The following PGAP4 variants were observed in gnomAD, a reference collection of about 807,000 sequenced individuals.
PGAP4 encodes post-GPI attachment to proteins GalNAc transferase 4.
PGAP4 carries 12 observed loss-of-function variants against 28.2 expected under a neutral mutation model. The observed-to-expected ratio is 0.42, with a 90% confidence interval of 0.27 to 0.69. The LOEUF is 0.69. PGAP4 is among the 30% of genes least tolerant of loss of function. The pLI is 0.22. For missense variants in PGAP4, 425 were observed against 513.5 expected (o/e 0.83, Z 1.67); for synonymous variants, 205 against 211.8 (o/e 0.97, Z 0.28).
intron 2 of PGAP4, among the ~76,000 whole-genome samples, chr9:101,501,368 G>A (rs1251714951): frequency 1.3e-5 from 2 of 152,008 alleles, no homozygotes; most frequent in East Asian, 1.9e-4. Context: ...ATGGTACCAC[G>A]GAAAGTGAAT....
chr9:101,511,909 A>G (rs938232610), intron 2 of PGAP4, among the ~76,000 whole-genome samples: 11 of 152,134 alleles, frequency 7.2e-5, no homozygotes, highest in African/African-American at 2.7e-4. Context: ...CATGCTCTCA[A>G]AAGTCTTAAA....
exon 2 of PGAP4, chr9:101,531,429 G>C (rs955508958): frequency 2.0e-5 from 3 of 152,134 alleles, no homozygotes; most frequent in African/African-American, 7.2e-5. Context: ...TTGAAGTTAG[G>C]GGTGACCTAA....
At position 101,498,167 on chromosome 9, in the gene PGAP4, T is replaced by A. The variant is rs553566383; in HGVS notation, c.-164-8967A>T. Among the ~76,000 whole-genome samples the A allele has an allele frequency of 9.5e-4, 144 of 151,996 alleles. 1 individual carries two copies. Among genetic ancestry groups the A allele is most frequent in the African/African-American group, 3.2e-3 (135 of 41,546 alleles). ...GATGAGTTTAGATTTAAACTTTTAA[T>A]GTTTGCATTGTGGTGAGGACTAGCT... On this transcript the variant is annotated intron_variant, in intron 2 of 3. Coordinates refer to the PGAP4 transcript ENST00000374851.
At chr9:101,495,559 G>A (rs1024881926) in intron 2 of PGAP4, among the ~76,000 whole-genome samples, 1 of 145,606 alleles carries the variant, frequency 6.9e-6, no homozygotes, top group Non-Finnish European at 1.5e-5. Context: ...TTTGAACCTA[G>A]GGAAACCTAC....
intron 2 of PGAP4, among the ~76,000 whole-genome samples, chr9:101,496,344 T>C (rs183769009): frequency 2.0e-5 from 3 of 151,640 alleles, no homozygotes; most frequent in African/African-American, 7.2e-5. Flanking sequence ...CTGCAAATCA[T>C]GTGCAGCGAA....
chr9:101,513,806 T>A (rs920625390), intron 2 of PGAP4, among the ~76,000 whole-genome samples: 2 of 152,062 alleles, frequency 1.3e-5, no homozygotes, highest in Admixed American at 1.3e-4. Context: ...GGCAATATTG[T>A]GGCTCATTCC....
Position 101,476,512 on chromosome 9 carries a change from C to G in PGAP4, c.581G>C (p.Cys194Ser), listed in dbSNP as rs1826317132. 1 of 1,614,036 alleles carries G rather than the reference C, an allele frequency of 6.2e-7. No individual in the cohort carries two copies. The highest frequency in any genetic ancestry group is 1.3e-5 in the African/African-American group (1 of 74,880). ...FEKEKQDYVY[C>S]LESSLQTYNP... ...GTAGGTCTGCAGGGATGACTCCAGG[C>G]AATAGACATAGTCCTGCTTCTCTTT... The change falls in exon 2 of 2, where the codon TGC (cysteine) becomes TCC (serine). Residue 194 changes from cysteine to serine, a missense_variant. Transcript: ENST00000374848. The surrounding 1 kb of genome is among the most constrained non-coding windows in gnomAD (Gnocchi z 7.0).
chr9:101,505,247 C>T (rs2118599025), intron 2 of PGAP4, among the ~76,000 whole-genome samples: 1 of 151,790 alleles, frequency 6.6e-6, no homozygotes, highest in Admixed American at 6.6e-5. Flanking sequence ...TTCAGAATTA[C>T]AATAGCCATA....
At chr9:101,531,233 CA>C (rs1564103983) in intron 2 of PGAP4, 28 of 151,394 alleles carry the variant, frequency 1.8e-4, no homozygotes, top group African/African-American at 7.0e-4. Context: ...CACACACACA[CA>C]CACACAGAGT....
rs569580695 is a variant in PGAP4, at chr9:101,513,626, G to A, written c.-165+17722C>T. 9.2e-5 allele frequency among the ~76,000 whole-genome samples: 14 copies of A among 152,266 alleles called. No individual in the cohort carries two copies. The South Asian group carries it at 2.9e-3, about 32-fold the overall frequency. On this transcript the variant is annotated intron_variant, in intron 2 of 3. Transcript: ENST00000374851. ...AGTTTTAGTTGCCTAATTTGAGTTG[G>A]CAGCTGTATTAGGATTTTTAGAGGA...
At chr9:101,482,648 C>T (rs1299737545) in intron 1 of PGAP4, among the ~76,000 whole-genome samples, 1 of 152,144 alleles carries the variant, frequency 6.6e-6, no homozygotes, top group Non-Finnish European at 1.5e-5. Flanking sequence ...CAATCCAGTT[C>T]CAACTATCTT....
chr9:101,525,409 C>A (rs1243171526), intron 2 of PGAP4, among the ~76,000 whole-genome samples: 2 of 150,804 alleles, frequency 1.3e-5, no homozygotes, highest in African/African-American at 4.9e-5. Flanking sequence ...TTTTTTTTTC[C>A]TATGAAAATA....
intron 2 of PGAP4, among the ~76,000 whole-genome samples, chr9:101,521,388 T>C (rs1826987482): frequency 6.6e-6 from 1 of 152,176 alleles, no homozygotes; most frequent in Non-Finnish European, 1.5e-5. Flanking sequence ...TCAATCTTGC[T>C]GCTTGTTATT....
At chr9:101,494,185 C>T (rs1021125048) in intron 2 of PGAP4, among the ~76,000 whole-genome samples, 3 of 151,608 alleles carry the variant, frequency 2.0e-5, no homozygotes, top group African/African-American at 7.3e-5. Context: ...ATTTTATGTA[C>T]ATTTAAAAAT....
At chr9:101,517,048 A>G (rs1283961691) in intron 2 of PGAP4, among the ~76,000 whole-genome samples, 1 of 152,202 alleles carries the variant, frequency 6.6e-6, no homozygotes, top group Non-Finnish European at 1.5e-5. Context: ...TATAATAACT[A>G]TATACTGAAA....
At position 101,495,455 on chromosome 9, in the gene PGAP4, A is replaced by ATGCT. The variant is rs368060119; in HGVS notation, c.-164-6256_-164-6255insAGCA. On this transcript the variant is annotated intron_variant, in intron 2 of 3. Transcript: ENST00000374851. ...ATTTTATATATAATATATATTATATATACTTATATTTTATATATAATATAT... is the reference window on the plus strand; with the variant it reads ...ATTTTATATATAATATATATTATATATGCTTACTTATATTTTATATATAATATAT... Among the ~76,000 whole-genome samples the ATGCT allele has an allele frequency of 1.1e-3, 131 of 120,450 alleles. 29 individuals are homozygous for ATGCT. The highest frequency in any genetic ancestry group is 1.6e-3 in the Admixed American group (15 of 9,600). 79.0% of individuals were successfully genotyped at this position (120,450 alleles called of 152,430 possible).
At position 101,475,178 on chromosome 9, in the gene PGAP4, C is replaced by G. The variant is rs887221228; in HGVS notation, c.*703G>C. Reference sequence around the variant, plus strand: ...AAATGTTCAATGTTAAATCACTACTCAACATAAGCAATCTGACTTTGATGG... The same window carrying G: ...AAATGTTCAATGTTAAATCACTACTGAACATAAGCAATCTGACTTTGATGG... On this transcript the variant is annotated 3_prime_UTR_variant, in exon 2 of 2. Transcript: ENST00000374848. The G allele has an allele frequency of 6.5e-6, 1 of 152,686 alleles. No homozygotes were observed. Among genetic ancestry groups the G allele is most frequent in the African/African-American group, 2.4e-5 (1 of 41,400 alleles). 9.5% of individuals were successfully genotyped at this position (152,686 alleles called of 1,614,324 possible). A position where few individuals can be genotyped will look rare whatever the true frequency, so the allele number is the denominator to read the frequency against.
At position 101,505,455 on chromosome 9, in the gene PGAP4, C is replaced by T. The variant is rs1427400780; in HGVS notation, c.-164-16255G>A. The stretch of plus-strand genomic sequence containing the variant: ...AAAAATTGAAAATACAAGCTATATC[C>T]CACACCAAGGACGGTATGATTGATA... On this transcript the variant is annotated intron_variant, in intron 2 of 3. Transcript: ENST00000374851. Among the ~76,000 whole-genome samples, 3 of 151,954 alleles carry T rather than the reference C, an allele frequency of 2.0e-5. No individual in the cohort carries two copies. The East Asian group carries it at 5.8e-4, about 29-fold the overall frequency.
chr9:101,530,433 A>T (rs1190619960), intron 2 of PGAP4, among the ~76,000 whole-genome samples: 1 of 152,262 alleles, frequency 6.6e-6, no homozygotes, highest in Non-Finnish European at 1.5e-5. Context: ...CCTTTTAAAA[A>T]AGATTACTAT....
Sources: allele counts gnomAD v4.1 joint callset (sites outside exome capture counted in the v4.1 genomes callset), GRCh38; gene constraint gnomAD v4.1.1; non-coding constraint Gnocchi (gnomAD v3.1); transcripts MANE v1.5; gene names NCBI Gene and HGNC (gene_info 2026-07-23, HGNC 2026-07-21).